The following ATG13 variants were observed in gnomAD, a reference collection of about 807,000 sequenced individuals.
ATG13 encodes the protein autophagy-related protein 13.
In ATG13, 23 loss-of-function variants were observed where a neutral mutation model predicts 65.5. The ratio of observed to expected loss-of-function variants is 0.35; its 90% CI spans 0.25 to 0.50. The LOEUF is 0.50. Ranked by LOEUF, ATG13 falls within the 20% of genes least tolerant of loss-of-function variation. ATG13 has a pLI of 0.98. For synonymous variants in ATG13, 252 were observed against 245.2 expected (o/e 1.03, Z -0.26); for missense variants, 566 against 677.0 (o/e 0.84, Z 1.82).
intron 18 of ATG13, among the ~76,000 whole-genome samples, chr11:46,669,741 A>C (rs767796622): frequency 3.3e-5 from 5 of 152,200 alleles, no homozygotes; most frequent in Non-Finnish European, 5.9e-5. Context: ...CTTTCTCTGC[A>C]CATTCTCAGC....
At position 46,621,312 on chromosome 11, in the gene ATG13, C is replaced by T. The variant is rs180896867; in HGVS notation, c.-70+3422C>T. On this transcript the variant is annotated intron_variant, in intron 1 of 18. Coordinates refer to ENST00000683050, the MANE Select transcript of ATG13 (RefSeq NM_001346311.2). ...ACAGATGTGAGCCACCGCGCCCAGC[C>T]ATATTTGTTTATTATTTTGAGTTGT... 3.3e-5 allele frequency among the ~76,000 whole-genome samples: 5 copies of T among 152,278 alleles called. No individual in the cohort carries two copies. In the East Asian group the frequency reaches 9.6e-4, roughly 29 times the overall value.
At chr11:46,669,366 T>G (rs2063174604) in intron 17 of ATG13, 38 bp from the exon 18 acceptor site, 1 of 1,611,900 alleles carries the variant, frequency 6.2e-7, no homozygotes, top group Admixed American at 1.7e-5. Context: ...CCTCTGTGGT[T>G]CAAGGCAAGC....
intron 1 of ATG13, among the ~76,000 whole-genome samples, chr11:46,627,206 C>G (rs1447029245): frequency 6.6e-6 from 1 of 152,030 alleles, no homozygotes; most frequent in East Asian, 1.9e-4. Context: ...ATGATGAAAC[C>G]CTATCTCTAC....
intron 7 of ATG13, among the ~76,000 whole-genome samples, chr11:46,651,219 G>T (rs769158727): frequency 6.6e-6 from 1 of 152,078 alleles, no homozygotes; most frequent in South Asian, 2.1e-4. Flanking sequence ...TTAAAAAGCA[G>T]GATTTGAAAA....
chr11:46,664,996 T>C, intron 13 of ATG13, 37 bp downstream of exon 13: 1 of 1,581,322 alleles, frequency 6.3e-7, no homozygotes, highest in African/African-American at 1.3e-5. Flanking sequence ...GGGTTTCCAG[T>C]GCTGCCTCCC....
intron 4 of ATG13, 133 bp from the exon 5 acceptor site, chr11:46,645,737 G>A: frequency 5.6e-6 from 7 of 1,260,698 alleles, no homozygotes; most frequent in Non-Finnish European, 7.7e-6. Flanking sequence ...TATCCCTTAT[G>A]GGGAAGGGAG....
At chr11:46,664,648 G>C (rs1299450589) in intron 12 of ATG13, among the ~76,000 whole-genome samples, 2 of 152,208 alleles carry the variant, frequency 1.3e-5, no homozygotes, top group African/African-American at 2.4e-5. Context: ...CCCAATCCCA[G>C]TACAAACAAG....
chr11:46,619,009 A>G (rs1404869365), intron 1 of ATG13, among the ~76,000 whole-genome samples: 1 of 152,122 alleles, frequency 6.6e-6, no homozygotes, highest in African/African-American at 2.4e-5. Context: ...AAGGAAGTTT[A>G]CTTGAACTTT....
chr11:46,650,895 C>T (rs1397298537), intron 7 of ATG13, among the ~76,000 whole-genome samples: 1 of 152,194 alleles, frequency 6.6e-6, no homozygotes, highest in African/African-American at 2.4e-5. Flanking sequence ...TGAGCCACGG[C>T]ACCCGGCCTG....
intron 11 of ATG13, among the ~76,000 whole-genome samples, chr11:46,662,045 A>C (rs148733293): frequency 2.4e-3 from 362 of 152,306 alleles, no homozygotes; most frequent in African/African-American, 8.3e-3. Flanking sequence ...ATATGTAGGC[A>C]TGAATGTCAG....
At chr11:46,649,870 A>G (rs531197167) in intron 6 of ATG13, among the ~76,000 whole-genome samples, 53 of 152,262 alleles carry the variant, frequency 3.5e-4, no homozygotes, top group Middle Eastern at 6.8e-3. Context: ...AGGATAGTAC[A>G]TGTTTGCACC....
chr11:46,647,998 A>AGATT (rs538403889), intron 5 of ATG13, among the ~76,000 whole-genome samples: 184 of 152,290 alleles, frequency 1.2e-3, no homozygotes, highest in African/African-American at 4.2e-3. Context: ...TTTCACTGAT[A>AGATT]GATTATAAGG....
chr11:46,649,452 G>C (rs1041703824), intron 6 of ATG13, among the ~76,000 whole-genome samples: 5 of 152,222 alleles, frequency 3.3e-5, no homozygotes, highest in African/African-American at 1.2e-4. Flanking sequence ...TGTTTTCCCA[G>C]AGTACAGCTA....
chr11:46,646,895 G>C (rs2057702513), intron 5 of ATG13, among the ~76,000 whole-genome samples: 2 of 151,992 alleles, frequency 1.3e-5, no homozygotes, highest in South Asian at 4.1e-4. Context: ...GAGTAGCTGA[G>C]ACTATAGGCA....
At chr11:46,663,245 G>A (rs1177270607) in intron 11 of ATG13, among the ~76,000 whole-genome samples, 2 of 106,522 alleles carry the variant, frequency 1.9e-5, no homozygotes, top group African/African-American at 3.7e-5. Context: ...CAGCCTGGGC[G>A]ACAGAGTGAG....
intron 2 of ATG13, among the ~76,000 whole-genome samples, chr11:46,632,619 A>T (rs540019351): frequency 1.3e-5 from 2 of 152,280 alleles, no homozygotes; most frequent in Non-Finnish European, 2.9e-5. Context: ...TTGTAGCAGT[A>T]AGTAGTCTAC....
intron 7 of ATG13, among the ~76,000 whole-genome samples, chr11:46,654,597 C>G (rs1265845106): frequency 6.6e-6 from 1 of 150,826 alleles, no homozygotes; most frequent in Non-Finnish European, 1.5e-5. Flanking sequence ...TGGCACGTGC[C>G]TGTAGTCCCA....
At chr11:46,644,014 A>G (rs1211402139) in intron 2 of ATG13, among the ~76,000 whole-genome samples, 1 of 152,222 alleles carries the variant, frequency 6.6e-6, no homozygotes, top group Non-Finnish European at 1.5e-5. Flanking sequence ...TGAATGGATA[A>G]TTAAAGCTCA....
intron 4 of ATG13, 110 bp from the exon 5 acceptor site, chr11:46,645,760 T>G: frequency 7.0e-7 from 1 of 1,436,422 alleles, no homozygotes; most frequent in Non-Finnish European, 9.5e-7. Flanking sequence ...GTGAATGAAT[T>G]GTCTTCCTTA....
Sources: gnomAD v4.1 joint callset for allele counts (sites outside exome capture counted in the v4.1 genomes callset) on GRCh38, gnomAD v4.1.1 for gene constraint, MANE v1.5 for transcripts, NCBI Gene and HGNC (gene_info 2026-07-23, HGNC 2026-07-21) for gene names.